BEND5: variants seen among roughly 807,000 people sequenced by gnomAD.
The protein encoded by BEND5 is BEN domain-containing protein 5.
BEND5 carries 22 observed loss-of-function variants against 43.9 expected under a neutral mutation model. That is an observed-to-expected ratio of 0.50 (90% CI 0.36 to 0.72). The LOEUF (loss-of-function observed/expected upper bound fraction) is 0.72. Ranked by LOEUF, BEND5 falls within the 30% of genes least tolerant of loss-of-function variation. The probability of loss-of-function intolerance (pLI) is 0.00; values close to 1 mark genes in which losing one functional copy is unlikely to be tolerated. For missense variants in BEND5, 428 were observed against 550.6 expected (o/e 0.78, Z 2.23); for synonymous variants, 228 against 225.9 (o/e 1.01, Z -0.08).
At chr1:48,756,185 T>C (rs1643915714) in intron 3 of BEND5, among the ~76,000 whole-genome samples, 1 of 152,234 alleles carries the variant, frequency 6.6e-6, no homozygotes, top group East Asian at 1.9e-4. Flanking sequence ...GCTCTTTGCC[T>C]AAATTGCTCC....
chr1:48,743,533 C>T (rs145057429), intron 3 of BEND5, among the ~76,000 whole-genome samples: 41 of 152,290 alleles, frequency 2.7e-4, no homozygotes, highest in African/African-American at 7.7e-4. Context: ...GGCCAAATGA[C>T]TTGATTAACT....
At chr1:48,774,150 G>GATTA (rs1557979552) in intron 1 of BEND5, among the ~76,000 whole-genome samples, 1 of 152,228 alleles carries the variant, frequency 6.6e-6, no homozygotes, top group African/African-American at 2.4e-5. Flanking sequence ...GTGTCAGAGA[G>GATTA]ATTAATTAAT....
chr1:48,734,047 G>C (rs1236492101), intron 5 of BEND5, among the ~76,000 whole-genome samples: 1 of 152,194 alleles, frequency 6.6e-6, no homozygotes, highest in Non-Finnish European at 1.5e-5. Context: ...TCACCTACCA[G>C]GCAGGGCAGG....
intron 1 of BEND5, among the ~76,000 whole-genome samples, chr1:48,767,156 G>A (rs916081886): frequency 2.6e-5 from 4 of 152,154 alleles, no homozygotes; most frequent in African/African-American, 9.7e-5. Context: ...TGAATCAGGT[G>A]GTCCTAATTT....
Position 48,761,372 on chromosome 1 carries a change from A to C in BEND5, c.325T>G (p.Tyr109Asp). Residue 109 changes from tyrosine (Y) to aspartate (D), a missense_variant, in exon 2 of 6, where the codon TAT becomes GAT. Physicochemically the swap from Tyr to Asp is radical, Grantham distance 160. Coordinates refer to ENST00000371833, the MANE Select transcript of BEND5 (RefSeq NM_024603.4). ...HVEEDGEVKD[Y>D]GEEDLQLRHI... ...CTAAGCTGTAAATCTTCTTCCCCAT[A>C]ATCTTTAACCTCTCCATCTTCTTCT... 6.4e-7 allele frequency: 1 copy of C among 1,552,000 alleles called. No homozygotes were observed. Among genetic ancestry groups the C allele is most frequent in the South Asian group, 1.2e-5 (1 of 84,036 alleles).
intron 5 of BEND5, among the ~76,000 whole-genome samples, chr1:48,729,493 C>T (rs1647750538): frequency 6.6e-6 from 1 of 152,142 alleles, no homozygotes; most frequent in Non-Finnish European, 1.5e-5. Context: ...AAAATCTTGT[C>T]ATTACCAAAC....
chr1:48,754,809 G>A lies in BEND5; in HGVS notation c.745+4091C>T, dbSNP rs540197466. Among the ~76,000 whole-genome samples the A allele has an allele frequency of 3.9e-5, 6 of 152,224 alleles. No homozygotes were observed. The South Asian group carries it at 1.2e-3, about 32-fold the overall frequency. ...TTTGTGGGGAGTAAAGGGGATGGAG[G>A]AGACACCCCCATGTTGGGAAAAATG... On this transcript the variant is annotated intron_variant, in intron 3 of 5. Coordinates refer to ENST00000371833, the MANE Select transcript of BEND5 (RefSeq NM_024603.4).
intron 4 of BEND5, among the ~76,000 whole-genome samples, chr1:48,739,929 T>C (rs546275732): frequency 6.6e-6 from 1 of 152,330 alleles, no homozygotes; most frequent in African/African-American, 2.4e-5. Flanking sequence ...CTTAGAGCCT[T>C]TGCCACCTGA....
At chr1:48,760,603 C>T (rs538390058) in intron 2 of BEND5, among the ~76,000 whole-genome samples, 8 of 152,260 alleles carry the variant, frequency 5.3e-5, no homozygotes, top group East Asian at 3.9e-4. Context: ...GTTCCAGGTA[C>T]GAGCACAGGG....
intron 3 of BEND5, among the ~76,000 whole-genome samples, chr1:48,749,944 G>A (rs925030713): frequency 6.6e-6 from 1 of 152,222 alleles, no homozygotes; most frequent in African/African-American, 2.4e-5. Context: ...GGAATAAGTG[G>A]GGTGGGCAGC....
At chr1:48,742,081 C>T (rs1465751007) in intron 4 of BEND5, among the ~76,000 whole-genome samples, 4 of 152,164 alleles carry the variant, frequency 2.6e-5, no homozygotes, top group African/African-American at 7.2e-5. Context: ...TAGGACTGTG[C>T]GCTAACCACT....
At chr1:48,741,818 A>G (rs950127678) in intron 4 of BEND5, among the ~76,000 whole-genome samples, 1 of 152,250 alleles carries the variant, frequency 6.6e-6, no homozygotes, top group African/African-American at 2.4e-5. Context: ...TGCATGCCAC[A>G]GTGGCAGAGA....
chr1:48,742,369 A>AC (rs1650044308), intron 4 of BEND5, among the ~76,000 whole-genome samples: 1 of 152,096 alleles, frequency 6.6e-6, no homozygotes, highest in Non-Finnish European at 1.5e-5. Context: ...TAAAATGTCA[A>AC]TTTACTTTTA....
At chr1:48,766,601 G>A (rs1322605674) in intron 1 of BEND5, among the ~76,000 whole-genome samples, 3 of 152,234 alleles carry the variant, frequency 2.0e-5, no homozygotes, top group Admixed American at 2.0e-4. Flanking sequence ...AATAGTCCAG[G>A]AAGCTCTGAG....
In BEND5 at chr1:48,727,633, C is replaced by A. The variant is rs1189657363; in HGVS notation, c.*253G>T. On this transcript the variant is annotated 3_prime_UTR_variant, in exon 6 of 6. Coordinates refer to ENST00000371833, the MANE Select transcript of BEND5 (RefSeq NM_024603.4). ...GTCAAGTGACAGGCAACTCAGGCAA[C>A]CTTATCCCCCTCCAAGAAGAGTGTT... is the stretch of plus-strand genomic sequence containing the variant. 2 of 283,076 alleles carry A rather than the reference C, an allele frequency of 7.1e-6. No homozygotes were observed. Among genetic ancestry groups the A allele is most frequent in the East Asian group, 6.2e-5 (1 of 16,176 alleles). The allele number at this position is 283,076 out of a possible 1,614,324, so 17.5% of individuals were successfully genotyped here.
At chr1:48,743,447 T>C (rs1027309832) in intron 3 of BEND5, among the ~76,000 whole-genome samples, 1 of 152,190 alleles carries the variant, frequency 6.6e-6, no homozygotes, top group Admixed American at 6.5e-5. Flanking sequence ...CTTTTAAAAA[T>C]GGACTGTTTT....
intron 5 of BEND5, among the ~76,000 whole-genome samples, chr1:48,732,152 C>T (rs887029961): frequency 2.6e-5 from 4 of 151,894 alleles, no homozygotes; most frequent in African/African-American, 7.3e-5. Context: ...AGGATGAGAC[C>T]TGGGTGCCTG....
intron 4 of BEND5, among the ~76,000 whole-genome samples, chr1:48,742,225 T>C (rs1321805036): frequency 1.3e-5 from 2 of 152,192 alleles, no homozygotes; most frequent in Admixed American, 1.3e-4. Context: ...AACTGAGTTG[T>C]TATCTGTAAA....
Position 48,758,987 on chromosome 1 carries a change from C to G in BEND5, c.658G>C (p.Glu220Gln). 2 of 1,613,762 alleles carry G rather than the reference C, an allele frequency of 1.2e-6. No individual in the cohort carries two copies. Among genetic ancestry groups the G allele is most frequent in the Non-Finnish European group, 8.5e-7 (1 of 1,179,916 alleles). The change falls in exon 3 of 6, where the codon GAG becomes CAG. Residue 220 changes from glutamate to glutamine, a missense_variant. Around this residue, in one of 4 missense-constraint regions of BEND5, gnomAD observed 243 missense variants for 286.4 expected, o/e 0.85. Coordinates refer to ENST00000371833, the MANE Select transcript of BEND5 (RefSeq NM_024603.4). ...ATTTCAGACACAAGTGCCCCGTACT[C>G]CTTGAGCTTCTTGGCCTGTTGTACC... is the stretch of plus-strand genomic sequence containing the variant. ...QLVQQAKKLK[E>Q]YGALVSEMKE...
Sources: gnomAD v4.1 joint callset for allele counts (sites outside exome capture counted in the v4.1 genomes callset) on GRCh38, gnomAD v4.1.1 for gene constraint, gnomAD v4.1.1 regional missense constraint, MANE v1.5 for transcripts, NCBI Gene and HGNC (gene_info 2026-07-23, HGNC 2026-07-21) for gene names.